Variants in C8orf34 observed in about 807,000 individuals in gnomAD.
The protein encoded by C8orf34 is uncharacterized protein C8orf34.
In C8orf34, 65 loss-of-function variants were observed where a neutral mutation model predicts 68.3. The observed-to-expected ratio is 0.95, with a 90% CI of 0.78 to 1.17. The LOEUF (loss-of-function observed/expected upper bound fraction) is 1.17, where lower values mean the gene tolerates loss of function less well. C8orf34 is among the 50% of genes most tolerant of loss of function. C8orf34 has a pLI of 0.00. For synonymous variants in C8orf34, 244 were observed against 241.2 expected (o/e 1.01, Z -0.11); for missense variants, 664 against 655.4 (o/e 1.01, Z -0.14).
chr8:68,515,283 TC>T (rs1814459339), intron 5 of C8orf34, among the ~76,000 whole-genome samples: 1 of 152,060 alleles, frequency 6.6e-6, no homozygotes, highest in Admixed American at 6.5e-5. Flanking sequence ...TTTGTCTTTT[TC>T]CTGTAATGCC....
chr8:68,780,686 G>A (rs923094349), intron 11 of C8orf34, among the ~76,000 whole-genome samples: 3 of 152,100 alleles, frequency 2.0e-5, no homozygotes, highest in Non-Finnish European at 4.4e-5. Context: ...TTGGGAGGCC[G>A]AGGTGGGCAG....
chr8:68,722,389 CAT>C (rs1821701762), intron 10 of C8orf34, among the ~76,000 whole-genome samples: 1 of 151,988 alleles, frequency 6.6e-6, no homozygotes, highest in Non-Finnish European at 1.5e-5. Context: ...AGGAATTCGA[CAT>C]ATGAAATTTT....
At chr8:68,350,370 G>A (rs1312508017) in intron 1 of C8orf34, among the ~76,000 whole-genome samples, 1 of 151,774 alleles carries the variant, frequency 6.6e-6, no homozygotes, top group Non-Finnish European at 1.5e-5. Context: ...TGATTTTAGA[G>A]TATGTGCCAT....
intron 10 of C8orf34, among the ~76,000 whole-genome samples, chr8:68,723,086 A>C (rs1821720865): frequency 6.6e-6 from 1 of 152,052 alleles, no homozygotes; most frequent in Non-Finnish European, 1.5e-5. Flanking sequence ...GGAGTTGGGG[A>C]CTAGTCAATT....
At chr8:68,553,470 G>T (rs908564727) in intron 7 of C8orf34, among the ~76,000 whole-genome samples, 7 of 148,382 alleles carry the variant, frequency 4.7e-5, no homozygotes, top group Non-Finnish European at 1.5e-5. Context: ...TTCTTTAAAT[G>T]TTTGGCAGAA....
chr8:68,456,690 A>G (rs1811567678), intron 3 of C8orf34, among the ~76,000 whole-genome samples: 1 of 152,208 alleles, frequency 6.6e-6, no homozygotes, highest in African/African-American at 2.4e-5. Flanking sequence ...TATGTGTCAT[A>G]GATAAGATAA....
intron 7 of C8orf34, among the ~76,000 whole-genome samples, chr8:68,615,638 G>A (rs574197603): frequency 8.2e-4 from 125 of 152,298 alleles, no homozygotes; most frequent in African/African-American, 2.8e-3. Context: ...CAGGGATGAA[G>A]CCCACTTGAT....
chr8:68,586,272 A>C (rs541924891), intron 7 of C8orf34, among the ~76,000 whole-genome samples: 2 of 152,272 alleles, frequency 1.3e-5, no homozygotes, highest in Non-Finnish European at 2.9e-5. Context: ...ATGCACTTAC[A>C]TCAAAAATCT....
At chr8:68,335,467 G>T (rs1805811803) in intron 1 of C8orf34, among the ~76,000 whole-genome samples, 1 of 152,098 alleles carries the variant, frequency 6.6e-6, no homozygotes, top group South Asian at 2.1e-4. Context: ...ATCAAAATTT[G>T]CATTAATCTT....
intron 1 of C8orf34, among the ~76,000 whole-genome samples, chr8:68,373,670 A>G (rs773866866): frequency 1.3e-5 from 2 of 152,156 alleles, no homozygotes; most frequent in African/African-American, 2.4e-5. Context: ...CTATATATTT[A>G]TTTATAGCAG....
chr8:68,373,183 C>A (rs929847134), intron 1 of C8orf34, among the ~76,000 whole-genome samples: 2 of 151,792 alleles, frequency 1.3e-5, no homozygotes, highest in Non-Finnish European at 2.9e-5. Flanking sequence ...TTAATAGAGA[C>A]AGGGTTTCGC....
chr8:68,559,928 G>A (rs1586374026), intron 7 of C8orf34, among the ~76,000 whole-genome samples: 1 of 152,116 alleles, frequency 6.6e-6, no homozygotes, highest in South Asian at 2.1e-4. Flanking sequence ...AAGTCAAGTA[G>A]GTACAGAGAG....
At chr8:68,461,870 G>T (rs1456880349) in intron 3 of C8orf34, among the ~76,000 whole-genome samples, 1 of 152,188 alleles carries the variant, frequency 6.6e-6, no homozygotes, top group Non-Finnish European at 1.5e-5. Context: ...AGGCTAGGAA[G>T]AAACTGCATC....
At chr8:68,783,848 C>T (rs574774678) in intron 11 of C8orf34, among the ~76,000 whole-genome samples, 5 of 152,174 alleles carry the variant, frequency 3.3e-5, no homozygotes, top group South Asian at 2.1e-4. Context: ...CTAAATTAAC[C>T]GAAACCATCT....
chr8:68,381,187 G>C (rs1009321383), intron 1 of C8orf34, among the ~76,000 whole-genome samples: 1 of 152,174 alleles, frequency 6.6e-6, no homozygotes, highest in Non-Finnish European at 1.5e-5. Flanking sequence ...AGGAAGACTA[G>C]ACTATTTTTC....
intron 1 of C8orf34, among the ~76,000 whole-genome samples, chr8:68,354,681 A>G (rs1399874288): frequency 6.6e-6 from 1 of 152,108 alleles, no homozygotes; most frequent in Non-Finnish European, 1.5e-5. Flanking sequence ...GTCACAGTCT[A>G]TTGAGATAGA....
At chr8:68,455,424 GTGTTTATA>G (rs1811504981) in intron 3 of C8orf34, among the ~76,000 whole-genome samples, 1 of 151,980 alleles carries the variant, frequency 6.6e-6, no homozygotes, top group Non-Finnish European at 1.5e-5. Flanking sequence ...CTGCAGCTAG[GTGTTTATA>G]TGTTTATAAT....
intron 7 of C8orf34, among the ~76,000 whole-genome samples, chr8:68,620,471 T>G (rs1382375427): frequency 2.0e-5 from 3 of 151,828 alleles, no homozygotes; most frequent in African/African-American, 4.8e-5. Flanking sequence ...ATTACCAGAG[T>G]GAGCAAGGAA....
intron 4 of C8orf34, among the ~76,000 whole-genome samples, chr8:68,479,442 A>T (rs914901745): frequency 1.3e-5 from 2 of 151,960 alleles, no homozygotes; most frequent in Non-Finnish European, 2.9e-5. Flanking sequence ...AGAGAAAGCA[A>T]CAGAGAGAGA....
Sources: gnomAD v4.1 joint callset for allele counts (sites outside exome capture counted in the v4.1 genomes callset) on GRCh38, gnomAD v4.1.1 for gene constraint, MANE v1.5 for transcripts, NCBI Gene and HGNC (gene_info 2026-07-23, HGNC 2026-07-21) for gene names.